The following UBR3 variants were observed in gnomAD, a reference collection of about 807,000 sequenced individuals.
UBR3 encodes the protein E3 ubiquitin-protein ligase UBR3.
UBR3 carries 85 observed loss-of-function variants against 243.2 expected under a neutral mutation model. The observed-to-expected ratio is 0.35, with a 90% CI of 0.29 to 0.42. The LOEUF (loss-of-function observed/expected upper bound fraction) is 0.42, where lower values mean the gene tolerates loss of function less well. Among genes scored for constraint, UBR3 ranks in the 10% least tolerant of loss-of-function variants. The pLI is 1.00. For synonymous variants in UBR3, 748 were observed against 799.8 expected, an observed-to-expected ratio of 0.94 and a Z score of 1.09; for missense variants, 1,686 against 2,300.8, an observed-to-expected ratio of 0.73 and a Z score of 5.47.
chr2:170,059,428 A>G (rs1302314062), intron 33 of UBR3, among the ~76,000 whole-genome samples: 1 of 152,224 alleles, frequency 6.6e-6, no homozygotes, highest in Non-Finnish European at 1.5e-5. Flanking sequence ...TAACTATGCC[A>G]CATTGATTAA....
Position 170,076,401 on chromosome 2 carries a change from TG to T in UBR3, c.5199+2795del, listed in dbSNP as rs1310318370. ...GAAAATGATGTAACCATTTTACTTA[TG>T]ACTGCAAATGCATCTGTGACTTTCC... is the stretch of plus-strand genomic sequence containing the variant. On this transcript the variant is annotated intron_variant, in intron 36 of 38. Transcript: ENST00000272793. Among the ~76,000 whole-genome samples, 7 of 152,324 alleles carry T rather than the reference TG, an allele frequency of 4.6e-5. No homozygotes were observed. In the South Asian group the frequency reaches 1.5e-3, roughly 32 times the overall value.
chr2:169,915,961 T>C (rs963475534), intron 11 of UBR3, among the ~76,000 whole-genome samples: 12 of 152,154 alleles, frequency 7.9e-5, no homozygotes, highest in Admixed American at 1.3e-4. Context: ...AGAACTTCCA[T>C]GTTTTCTGGC....
At chr2:170,068,124 G>T (rs1016005303) in intron 35 of UBR3, among the ~76,000 whole-genome samples, 1 of 152,032 alleles carries the variant, frequency 6.6e-6, no homozygotes, top group Admixed American at 6.6e-5. Context: ...GAAATTGTGG[G>T]ATCCAGCTAA....
intron 28 of UBR3, among the ~76,000 whole-genome samples, chr2:170,007,423 C>G (rs879627631): frequency 2.0e-5 from 3 of 152,084 alleles, no homozygotes; most frequent in African/African-American, 7.2e-5. Context: ...TCTTCTAGGT[C>G]AAGAACCCCT....
chr2:170,005,764 A>G (rs904222464), intron 27 of UBR3, among the ~76,000 whole-genome samples: 2 of 152,150 alleles, frequency 1.3e-5, no homozygotes, highest in African/African-American at 4.8e-5. Context: ...TTGGTTGTAT[A>G]CATATATAGT....
At chr2:170,066,146 A>AT (rs1232866402) in intron 35 of UBR3, among the ~76,000 whole-genome samples, 2 of 152,186 alleles carry the variant, frequency 1.3e-5, no homozygotes, top group Non-Finnish European at 2.9e-5. Flanking sequence ...TTAGCAGTAC[A>AT]TTTTTTAATC....
At chr2:170,001,984 C>T (rs2089730312) in intron 27 of UBR3, among the ~76,000 whole-genome samples, 1 of 146,662 alleles carries the variant, frequency 6.8e-6, no homozygotes, top group African/African-American at 2.5e-5. Context: ...ACTTTCATGG[C>T]TGCACTTTAG....
chr2:169,838,797 A>G (rs907752880), intron 1 of UBR3, among the ~76,000 whole-genome samples: 3 of 152,300 alleles, frequency 2.0e-5, no homozygotes, highest in African/African-American at 7.2e-5. Context: ...CATCATTTCA[A>G]TCAGATACGG....
intron 33 of UBR3, among the ~76,000 whole-genome samples, chr2:170,059,752 G>T (rs1249462144): frequency 1.3e-5 from 2 of 152,074 alleles, no homozygotes; most frequent in Admixed American, 1.3e-4. Context: ...CTACATGGCT[G>T]AGTGAATATG....
chr2:170,011,006 TA>T lies in UBR3; in HGVS notation c.4367+2075del, dbSNP rs951853194. Among the ~76,000 whole-genome samples the T allele has an allele frequency of 2.7e-5, 4 of 150,458 alleles. No homozygotes were observed. In the South Asian group the frequency reaches 6.3e-4, roughly 24 times the overall value. On this transcript the variant is annotated intron_variant, in intron 29 of 38. Transcript: ENST00000272793. ...AGTAAAACCCTATCTCTATGAAAAA[TA>T]AAAAAAAATTAGCTAGGTTTGGTGG...
At chr2:169,990,265 A>G (rs1261984354) in intron 25 of UBR3, among the ~76,000 whole-genome samples, 1 of 152,170 alleles carries the variant, frequency 6.6e-6, no homozygotes, top group Non-Finnish European at 1.5e-5. Context: ...ATTTATCTAC[A>G]TGGAAAGATA....
chr2:170,057,118 C>CTT (rs34846378), intron 33 of UBR3, among the ~76,000 whole-genome samples: 2 of 135,812 alleles, frequency 1.5e-5, no homozygotes, highest in African/African-American at 2.8e-5. Context: ...TTAGTTTTTT[C>CTT]TTTTTTTTTT....
chr2:169,918,753 T>C (rs1003069834), intron 11 of UBR3, among the ~76,000 whole-genome samples: 2 of 152,112 alleles, frequency 1.3e-5, no homozygotes, highest in Non-Finnish European at 2.9e-5. Context: ...GCAACAATTG[T>C]GAGTTTGTAG....
intron 1 of UBR3, among the ~76,000 whole-genome samples, chr2:169,865,598 G>T (rs1173254567): frequency 6.6e-6 from 1 of 152,046 alleles, no homozygotes; most frequent in South Asian, 2.1e-4. Context: ...TTTGGAATTG[G>T]TTTCTTTCCT....
intron 24 of UBR3, among the ~76,000 whole-genome samples, chr2:169,975,398 A>G (rs530396282): frequency 2.6e-5 from 4 of 152,298 alleles, no homozygotes; most frequent in South Asian, 4.1e-4. Flanking sequence ...AAAATGTTCC[A>G]TGTGCTAATG....
In UBR3 at chr2:169,877,627, G is replaced by A; in HGVS notation, c.978G>A (p.Leu326=). 2 of 1,541,368 alleles carry A rather than the reference G, an allele frequency of 1.3e-6. No homozygotes were observed. Among genetic ancestry groups the A allele is most frequent in the Non-Finnish European group, 1.7e-6 (2 of 1,144,876 alleles). ...VQEPSAGTSS[L]AVQGFIGATG... is the part of the protein sequence containing the mutation. ...AGCCATCTGCTGGTACTAGTTCTCTGGCTGTTCAAGGTTTGTCTAAATATT... is the reference window on the plus strand; with the variant it reads ...AGCCATCTGCTGGTACTAGTTCTCTAGCTGTTCAAGGTTTGTCTAAATATT... Residue 326 remains leucine (L), a synonymous_variant, in exon 4 of 39, where the codon CTG becomes CTA. Transcript: ENST00000272793.
At chr2:170,036,531 C>T (rs932688539) in intron 31 of UBR3, among the ~76,000 whole-genome samples, 41 of 152,132 alleles carry the variant, frequency 2.7e-4, no homozygotes, top group African/African-American at 9.6e-4. Context: ...AGTATTATCA[C>T]TTAAACATTT....
chr2:170,031,900 A>G (rs978163079), intron 31 of UBR3, among the ~76,000 whole-genome samples: 1 of 152,160 alleles, frequency 6.6e-6, no homozygotes, highest in Non-Finnish European at 1.5e-5. Flanking sequence ...TATAGGTACT[A>G]CATTTTCTTT....
At position 169,875,794 on chromosome 2, in the gene UBR3, C is replaced by T; in HGVS notation, c.689C>T (p.Ala230Val). 1 of 1,519,684 alleles carries T rather than the reference C, an allele frequency of 6.6e-7. No individual in the cohort carries two copies. Among genetic ancestry groups the T allele is most frequent in the Non-Finnish European group, 8.8e-7 (1 of 1,136,760 alleles). 94.1% of individuals were successfully genotyped at this position (1,519,684 alleles called of 1,614,324 possible). Residue 230 changes from alanine (A) to valine (V), a missense_variant, in exon 3 of 39, where the codon GCT becomes GTT. Ala to Val is a moderately conservative substitution (Grantham distance 64). Around this residue, in one of 8 missense-constraint regions of UBR3, gnomAD observed 200 missense variants for 231.6 expected, o/e 0.86. Coordinates refer to ENST00000272793, the MANE Select transcript of UBR3 (RefSeq NM_172070.4). The stretch of plus-strand genomic sequence containing the variant: ...TTTTTTTCTTTTTTTCTTTTAGCAG[C>T]TGATGGACCATCAGAAAAGGACCTT... ...YLREGYNEPA[A>V]DGPSEKDLNK... is the part of the protein sequence containing the mutation.
Sources: gnomAD v4.1 joint callset for allele counts (sites outside exome capture counted in the v4.1 genomes callset) on GRCh38, gnomAD v4.1.1 for gene constraint, gnomAD v4.1.1 regional missense constraint, MANE v1.5 for transcripts, NCBI Gene and HGNC (gene_info 2026-07-23, HGNC 2026-07-21) for gene names.